The following GLRA3 variants were observed in gnomAD, a reference collection of about 807,000 sequenced individuals.
GLRA3 encodes the protein glycine receptor subunit alpha-3.
A neutral mutation model predicts 60.4 loss-of-function variants in GLRA3; 44 were observed. That is an observed-to-expected ratio of 0.73 (90% CI 0.57 to 0.94). The LOEUF (loss-of-function observed/expected upper bound fraction) is 0.94, where lower values mean the gene tolerates loss of function less well. GLRA3 is among the 40% of genes least tolerant of loss of function. The pLI is 0.00. For synonymous variants in GLRA3, 223 were observed against 192.9 expected (o/e 1.16, Z -1.29); for missense variants, 508 against 564.6 (o/e 0.90, Z 1.02).
chr4:174,718,523 A>G (rs1219840085), intron 4 of GLRA3, among the ~76,000 whole-genome samples: 1 of 152,182 alleles, frequency 6.6e-6, no homozygotes, highest in African/African-American at 2.4e-5. Flanking sequence ...AAATTCAATT[A>G]TTGACCACTT....
chr4:174,766,903 G>C (rs1475413676), intron 3 of GLRA3, 60 bp downstream of exon 3: 2 of 781,854 alleles, frequency 2.6e-6, no homozygotes, highest in Non-Finnish European at 4.3e-6. Flanking sequence ...ATAAAATGTT[G>C]CCATTAATGT....
rs1356754158 is a variant in GLRA3 at position 174,728,658 on chromosome 4, T to TC, written c.307dup (p.Asp103GlyfsTer8). The TC allele has an allele frequency of 6.2e-7, 1 of 1,608,790 alleles. No homozygotes were observed. The highest frequency in any genetic ancestry group is 1.7e-5 in the Admixed American group (1 of 59,906). The stretch of plus-strand genomic sequence containing the variant: ...ATATTCACTGTACGCGAGGCGGGGA[T>TC]CATTCCATTTCTGACGAAGAAAGAT... On this transcript the variant is annotated frameshift_variant, in exon 4 of 10. Coordinates refer to ENST00000274093, the MANE Select transcript of GLRA3 (RefSeq NM_006529.4). LOFTEE classifies it high-confidence loss of function.
intron 1 of GLRA3, among the ~76,000 whole-genome samples, chr4:174,799,822 T>C (rs1193627372): frequency 6.6e-6 from 1 of 152,080 alleles, no homozygotes; most frequent in African/African-American, 2.4e-5. Context: ...GATTCATATG[T>C]ACAACACCTG....
At chr4:174,740,214 T>A (rs926279483) in intron 3 of GLRA3, among the ~76,000 whole-genome samples, 15 of 152,176 alleles carry the variant, frequency 9.9e-5, no homozygotes, top group African/African-American at 3.6e-4. Context: ...ATTGGAAGAA[T>A]GTAAACAATG....
At chr4:174,740,200 G>A (rs1419283921) in intron 3 of GLRA3, among the ~76,000 whole-genome samples, 1 of 152,146 alleles carries the variant, frequency 6.6e-6, no homozygotes. Context: ...TTTATGTTTT[G>A]CATATTGGAA....
intron 7 of GLRA3, among the ~76,000 whole-genome samples, chr4:174,659,657 T>C (rs1733359389): frequency 1.3e-5 from 2 of 152,160 alleles, no homozygotes; most frequent in African/African-American, 4.8e-5. Flanking sequence ...TTTTTGACTT[T>C]TATAAAGACA....
At chr4:174,652,274 T>C (rs1455659385) in intron 9 of GLRA3, among the ~76,000 whole-genome samples, 1 of 152,080 alleles carries the variant, frequency 6.6e-6, no homozygotes, top group Non-Finnish European at 1.5e-5. Context: ...CAGCTTACAT[T>C]CTCATGGATT....
chr4:174,751,751 AT>A (rs1427406119), intron 3 of GLRA3, among the ~76,000 whole-genome samples: 1 of 151,880 alleles, frequency 6.6e-6, no homozygotes, highest in Non-Finnish European at 1.5e-5. Flanking sequence ...AGCACACATT[AT>A]TTTCAAAGAG....
intron 1 of GLRA3, among the ~76,000 whole-genome samples, chr4:174,828,309 T>C (rs1401191588): frequency 1.3e-5 from 2 of 152,080 alleles, no homozygotes; most frequent in Non-Finnish European, 1.5e-5. Flanking sequence ...ACATTTGGAG[T>C]TTCTCTCATC....
At position 174,645,399 on chromosome 4, in the gene GLRA3, G is replaced by A. The variant is rs370981664; in HGVS notation, c.1117-1335C>T. On this transcript the variant is annotated intron_variant, in intron 9 of 9. Coordinates refer to ENST00000274093, the MANE Select transcript of GLRA3 (RefSeq NM_006529.4). ...TGCACTCCAGCCCTCCAGCCTGAGC[G>A]ACAGAGTGAGACTCCGTCTCCAAAA... 3.7e-5 allele frequency among the ~76,000 whole-genome samples: 5 copies of A among 134,194 alleles called. No individual in the cohort carries two copies. The East Asian group carries it at 6.3e-4, about 17-fold the overall frequency. The allele number at this position is 134,194 out of a possible 152,430, so 88.0% of individuals were successfully genotyped here.
At chr4:174,764,837 G>C (rs1738078568) in intron 3 of GLRA3, among the ~76,000 whole-genome samples, 1 of 151,952 alleles carries the variant, frequency 6.6e-6, no homozygotes, top group Non-Finnish European at 1.5e-5. Context: ...CAAAATCACA[G>C]CTATTTTAGC....
chr4:174,741,191 T>C (rs1465882303), intron 3 of GLRA3, among the ~76,000 whole-genome samples: 2 of 152,208 alleles, frequency 1.3e-5, no homozygotes, highest in African/African-American at 4.8e-5. Context: ...TGCACTTCCG[T>C]CAATTATATA....
chr4:174,750,173 G>C (rs954355024), intron 3 of GLRA3, among the ~76,000 whole-genome samples: 2 of 152,096 alleles, frequency 1.3e-5, no homozygotes, highest in African/African-American at 2.4e-5. Flanking sequence ...TGCATAAATT[G>C]TTATATGTGG....
intron 4 of GLRA3, among the ~76,000 whole-genome samples, chr4:174,721,845 G>GTT (rs1561077434): frequency 1.3e-5 from 2 of 151,378 alleles, no homozygotes; most frequent in African/African-American, 4.9e-5. Context: ...GTGTGTATAT[G>GTT]TGTGTATACA....
chr4:174,716,386 A>G (rs1224100478), intron 4 of GLRA3, among the ~76,000 whole-genome samples: 1 of 152,242 alleles, frequency 6.6e-6, no homozygotes, highest in Non-Finnish European at 1.5e-5. Context: ...GAGAATTAGT[A>G]TGTTGACATT....
intron 1 of GLRA3, among the ~76,000 whole-genome samples, chr4:174,817,143 G>A (rs1740537977): frequency 6.6e-6 from 1 of 152,114 alleles, no homozygotes; most frequent in Admixed American, 6.5e-5. Context: ...CAACTTCTTG[G>A]CCAGAACTTG....
chr4:174,714,672 G>A (rs1579493566), intron 5 of GLRA3, among the ~76,000 whole-genome samples: 1 of 152,102 alleles, frequency 6.6e-6, no homozygotes, highest in African/African-American at 2.4e-5. Context: ...TTTCCTCAAG[G>A]AATGTGTCAA....
chr4:174,651,583 C>A (rs1230251755), intron 9 of GLRA3, among the ~76,000 whole-genome samples: 1 of 152,034 alleles, frequency 6.6e-6, no homozygotes, highest in Non-Finnish European at 1.5e-5. Context: ...TCAGAGTAAC[C>A]AAACTAGCAC....
rs374570875 is a variant in GLRA3, at chr4:174,801,869, C to A, written c.72-12926G>T. ...TGTCTTTCCTTGGTAGCACTTGTTG[C>A]AATTGTAACTGTCAATTTTTACAGG... is the stretch of plus-strand genomic sequence containing the variant. On this transcript the variant is annotated intron_variant, in intron 1 of 9. Transcript: ENST00000274093. 3.3e-5 allele frequency among the ~76,000 whole-genome samples: 5 copies of A among 151,998 alleles called. No individual in the cohort carries two copies. The East Asian group carries it at 7.7e-4, about 23-fold the overall frequency.
Sources: gnomAD v4.1 joint callset for allele counts (sites outside exome capture counted in the v4.1 genomes callset) on GRCh38, gnomAD v4.1.1 for gene constraint, MANE v1.5 for transcripts, NCBI Gene and HGNC (gene_info 2026-07-23, HGNC 2026-07-21) for gene names.